Variants in INO80D observed in about 807,000 individuals in gnomAD.
INO80D encodes INO80 complex subunit D.
Under a neutral mutation model 87.6 loss-of-function variants are expected in INO80D, and 21 were observed. The ratio of observed to expected loss-of-function variants is 0.24; its 90% CI spans 0.17 to 0.35. The LOEUF (loss-of-function observed/expected upper bound fraction) is 0.35. Among genes scored for constraint, INO80D ranks in the 10% least tolerant of loss-of-function variants. The pLI, the probability that INO80D is intolerant of heterozygous loss-of-function variation, is 1.00. For synonymous variants in INO80D, 440 were observed against 491.0 expected (o/e 0.90, Z 1.37); for missense variants, 982 against 1,280.7 (o/e 0.77, Z 3.56).
At chr2:206,042,311 C>T (rs1314827211) in intron 5 of INO80D, among the ~76,000 whole-genome samples, 1 of 151,710 alleles carries the variant, frequency 6.6e-6, no homozygotes, top group Non-Finnish European at 1.5e-5. Context: ...AAGCAAATTG[C>T]ATTCAAAACA....
chr2:206,059,980 G>A (rs886546216), intron 3 of INO80D, among the ~76,000 whole-genome samples: 3 of 152,170 alleles, frequency 2.0e-5, no homozygotes, highest in East Asian at 3.9e-4. Flanking sequence ...AAGGCAGGGC[G>A]ATTGCTTGAA....
In INO80D at chr2:206,036,158, C is replaced by G. The variant is rs894082250; in HGVS notation, c.1074-7823G>C. On this transcript the variant is annotated intron_variant, in intron 5 of 10. Transcript: ENST00000403263. ...CTGCTGGTGGGAATGTAAACTAGTA[C>G]AGCCACTATGGAAAACAGTGTGGAG... 7.2e-5 allele frequency among the ~76,000 whole-genome samples: 11 copies of G among 152,172 alleles called. 1 individual carries two copies. The South Asian group carries it at 2.3e-3, about 32-fold the overall frequency.
chr2:206,080,070 T>C (rs1690232804), intron 1 of INO80D, among the ~76,000 whole-genome samples: 1 of 152,220 alleles, frequency 6.6e-6, no homozygotes, highest in Admixed American at 6.5e-5. Context: ...AACATTCACA[T>C]TGGCATTGTA....
At chr2:206,015,442 G>A (rs1215783253) in intron 8 of INO80D, among the ~76,000 whole-genome samples, 2 of 152,168 alleles carry the variant, frequency 1.3e-5, no homozygotes, top group African/African-American at 4.8e-5. Context: ...TCCAGCCATG[G>A]CTAAAAGGGA....
chr2:206,010,083 A>ACACACACACACACACACGCACG (rs142314785), intron 8 of INO80D, among the ~76,000 whole-genome samples: 3 of 151,162 alleles, frequency 2.0e-5, no homozygotes, highest in African/African-American at 7.3e-5. Flanking sequence ...ACACACACAC[A>ACACACACACACACACACGCACG]CACGCACACA....
chr2:206,033,885 C>T, intron 5 of INO80D, among the ~76,000 whole-genome samples: 1 of 151,996 alleles, frequency 6.6e-6, no homozygotes. Flanking sequence ...ATCCAAATAA[C>T]CTCAATAAGA....
chr2:206,019,760 G>C lies in INO80D; in HGVS notation c.1384C>G (p.Pro462Ala). The C allele has an allele frequency of 6.2e-7, 1 of 1,613,646 alleles. No individual in the cohort carries two copies. Among genetic ancestry groups the C allele is most frequent in the Non-Finnish European group, 8.5e-7 (1 of 1,179,692 alleles). Residue 462 changes from proline to alanine, a missense_variant, in exon 7 of 11, where the codon CCA becomes GCA. Transcript: ENST00000403263. ...CGTTGGAAACAATGTCTGGTGAATG[G>C]AAGGGCTTTGTTAGCGCACTGTTCA... The part of the protein sequence containing the change: ...KGEQCANKAL[P>A]FTRHCFQHIL...
rs760347433 is a variant in INO80D at position 206,005,128 on chromosome 2, A to G, written c.2324T>C (p.Leu775Pro). Residue 775 changes from leucine (L) to proline (P), a missense_variant, in exon 11 of 11, where the codon CTT (leucine) becomes CCT (proline). Leu to Pro is a moderately conservative substitution (Grantham distance 98). Coordinates refer to ENST00000403263, the MANE Select transcript of INO80D (RefSeq NM_017759.5). ...TSATLISQSA[L>P]GERAFPGQFH... ...CTGTCCTGGGAAGGCTCTCTCCCCA[A>G]GTGCACTCTGGCTGATCAGAGTGGC... 12 of 1,613,886 alleles carry G rather than the reference A, an allele frequency of 7.4e-6. No homozygotes were observed. The highest frequency in any genetic ancestry group is 2.2e-5 in the East Asian group (1 of 44,894).
intron 8 of INO80D, among the ~76,000 whole-genome samples, chr2:206,013,643 A>G (rs1688238731): frequency 6.6e-6 from 1 of 152,090 alleles, no homozygotes; most frequent in Admixed American, 6.6e-5. Context: ...TCTACTTAAC[A>G]GTATCTTCCT....
intron 1 of INO80D, among the ~76,000 whole-genome samples, chr2:206,079,917 A>G (rs1052502335): frequency 1.3e-5 from 2 of 152,160 alleles, no homozygotes; most frequent in Non-Finnish European, 2.9e-5. Context: ...TTTGATTCCT[A>G]CTTACAGGTC....
At position 206,019,772 on chromosome 2, in the gene INO80D, T is replaced by G; in HGVS notation, c.1372A>C (p.Asn458His). ...TGTCTGGTGAATGGAAGGGCTTTGTTAGCGCACTGTTCACCCTTCACGGTT... is the reference window on the plus strand; with the variant it reads ...TGTCTGGTGAATGGAAGGGCTTTGTGAGCGCACTGTTCACCCTTCACGGTT... ...SGTVKGEQCANKALPFTRHCF... is the reference protein window; with the variant it reads ...SGTVKGEQCAHKALPFTRHCF... The change falls in exon 7 of 11, where the codon AAC becomes CAC. Residue 458 changes from asparagine to histidine, a missense_variant. Asn to His is a moderately conservative substitution (Grantham distance 68). Coordinates refer to ENST00000403263, the MANE Select transcript of INO80D (RefSeq NM_017759.5). 13 of 1,613,880 alleles carry G rather than the reference T, an allele frequency of 8.1e-6. No homozygotes were observed. Among genetic ancestry groups the G allele is most frequent in the Non-Finnish European group, 1.1e-5 (13 of 1,179,828 alleles).
intron 1 of INO80D, among the ~76,000 whole-genome samples, chr2:206,064,168 T>G (rs972755127): frequency 2.6e-5 from 4 of 152,212 alleles, no homozygotes; most frequent in African/African-American, 9.6e-5. Flanking sequence ...CCAGTCACAC[T>G]AAATAGTAAA....
At chr2:206,074,361 C>G (rs997258999) in intron 1 of INO80D, among the ~76,000 whole-genome samples, 1 of 152,114 alleles carries the variant, frequency 6.6e-6, no homozygotes, top group Non-Finnish European at 1.5e-5. Context: ...CGCCTGTAAT[C>G]CCAGCACTTT....
At chr2:206,021,013 A>AAAAAAG (rs1390641650) in intron 6 of INO80D, among the ~76,000 whole-genome samples, 2 of 152,216 alleles carry the variant, frequency 1.3e-5, no homozygotes, top group African/African-American at 2.4e-5. Flanking sequence ...TCTCTATTGA[A>AAAAAAG]AAAAAGAAAA....
intron 8 of INO80D, 138 bp downstream of exon 8, chr2:206,017,542 G>A (rs1023073242): frequency 1.2e-5 from 7 of 595,520 alleles, no homozygotes; most frequent in Non-Finnish European, 1.4e-5. Flanking sequence ...GTAATAAAAT[G>A]TATCTTAAGG....
intron 3 of INO80D, among the ~76,000 whole-genome samples, chr2:206,057,769 G>T (rs1689563611): frequency 6.7e-6 from 1 of 149,864 alleles, no homozygotes; most frequent in Admixed American, 6.6e-5. Context: ...TAAAGAACTT[G>T]CTCATGTAGC....
At chr2:206,016,968 T>C (rs1359727377) in intron 8 of INO80D, among the ~76,000 whole-genome samples, 3 of 152,132 alleles carry the variant, frequency 2.0e-5, no homozygotes, top group Non-Finnish European at 4.4e-5. Context: ...GGTATGTCTT[T>C]CCCAGAGGCA....
At chr2:206,045,554 C>T (rs1210813531) in intron 5 of INO80D, among the ~76,000 whole-genome samples, 1 of 152,116 alleles carries the variant, frequency 6.6e-6, no homozygotes, top group Non-Finnish European at 1.5e-5. Context: ...CATTTTCTTA[C>T]TATCATTGAA....
Position 206,010,773 on chromosome 2 carries a change from A to G in INO80D, c.1543-979T>C, listed in dbSNP as rs984219013. ...GTCACAAATACATAAATTTAAAACA[A>G]ACCAAAAAAAAGAGGCTACCTCTGG... On this transcript the variant is annotated intron_variant, in intron 8 of 10. Transcript: ENST00000403263. 1.3e-4 allele frequency among the ~76,000 whole-genome samples: 20 copies of G among 152,140 alleles called. 1 individual carries two copies. The highest frequency in any genetic ancestry group is 1.2e-3 in the Admixed American group (18 of 15,276).
Sources: allele counts gnomAD v4.1 joint callset (sites outside exome capture counted in the v4.1 genomes callset), GRCh38; gene constraint gnomAD v4.1.1; transcripts MANE v1.5; gene names NCBI Gene and HGNC (gene_info 2026-07-23, HGNC 2026-07-21).